The following TSPAN7 variants were observed in gnomAD, a reference collection of about 807,000 sequenced individuals.
TSPAN7 encodes tetraspanin-7.
A neutral mutation model predicts 17.6 loss-of-function variants in TSPAN7; 1 was observed. The ratio of observed to expected loss-of-function variants is 0.06; its 90% CI spans 0.02 to 0.27. The LOEUF (loss-of-function observed/expected upper bound fraction) is 0.27. Ranked by LOEUF, TSPAN7 falls within the 10% of genes least tolerant of loss-of-function variation. TSPAN7 has a pLI of 1.00. For synonymous variants in TSPAN7, 78 were observed against 79.0 expected (o/e 0.99, Z 0.07); for missense variants, 112 against 201.7 (o/e 0.56, Z 2.69).
intron 1 of TSPAN7, among the ~76,000 whole-genome samples, chrX:38,639,480 C>G (rs1343653858): frequency 9.9e-6 from 1 of 101,253 alleles, no homozygotes; most frequent in Non-Finnish European, 2.0e-5. Flanking sequence ...TTGTTCATCC[C>G]CAGCCATCAG....
intron 1 of TSPAN7, among the ~76,000 whole-genome samples, chrX:38,641,483 G>A (rs191164855): frequency 6.9e-4 from 77 of 111,676 alleles, no homozygotes; most frequent in African/African-American, 2.2e-3. Flanking sequence ...ATCTCTACCC[G>A]ATAGCGGAGT....
chrX:38,617,913 C>T (rs2069464741), intron 1 of TSPAN7, among the ~76,000 whole-genome samples: 1 of 111,927 alleles, frequency 8.9e-6, no homozygotes, highest in Admixed American at 9.5e-5. Flanking sequence ...TACATTTTTA[C>T]TATTTGTTTG....
rs184367193 is a variant in TSPAN7, at chrX:38,599,746, C to G, written c.81+38119C>G. On this transcript the variant is annotated intron_variant, in intron 1 of 7. Coordinates refer to ENST00000378482, the MANE Select transcript of TSPAN7 (RefSeq NM_004615.4). The stretch of plus-strand genomic sequence containing the variant: ...CATTATTCAAAGAAAAGCAACTGTG[C>G]GAGACTTGTGAGAAAAATATGCATC... 5.4e-5 allele frequency among the ~76,000 whole-genome samples: 6 copies of G among 111,470 alleles called. No individual in the cohort carries two copies. In the Admixed American group the frequency reaches 5.7e-4, roughly 11 times the overall value.
chrX:38,563,186 A>G (rs1258746898), intron 1 of TSPAN7: 1 of 879,073 alleles, frequency 1.1e-6, no homozygotes, highest in African/African-American at 2.1e-5. Flanking sequence ...GCAATGAGCT[A>G]GGATAGATTA....
chrX:38,674,606 C>T (rs1324732433), intron 4 of TSPAN7, among the ~76,000 whole-genome samples: 1 of 111,847 alleles, frequency 8.9e-6, no homozygotes, highest in East Asian at 2.8e-4. Flanking sequence ...AGGAGTTAGG[C>T]AGTGAGTGTG....
Position 38,674,313 on chromosome X carries a change from C to T in TSPAN7, c.438C>T (p.Arg146=). The T allele has an allele frequency of 8.4e-7, 1 of 1,185,737 alleles. No homozygotes were observed. ...ERSRAVDHVQ[R]SLSCCGVQNY... ...GCCGGGCAGTGGACCATGTGCAGCG[C>T]AGCGTAAGTTCCAGAGGAGATGAGG... Residue 146 remains arginine (R), a synonymous_variant, in exon 4 of 8, where the codon CGC becomes CGT. Coordinates refer to ENST00000378482, the MANE Select transcript of TSPAN7 (RefSeq NM_004615.4).
chrX:38,563,476 GA>G (rs58871724), intron 1 of TSPAN7, among the ~76,000 whole-genome samples: 12,384 of 107,697 alleles, frequency 0.11, 1,298 homozygotes, highest in African/African-American at 0.34. Flanking sequence ...ATCATATTGG[GA>G]GGGGGGAGGT....
At chrX:38,655,683 A>G (rs918841056) in intron 1 of TSPAN7, among the ~76,000 whole-genome samples, 1 of 111,337 alleles carries the variant, frequency 9.0e-6, no homozygotes, top group Non-Finnish European at 1.9e-5. Context: ...GAAAGGAGGC[A>G]TGAGTTCTTC....
rs1467239040 is a variant in TSPAN7 at position 38,651,328 on chromosome X, G to A, written c.82-14793G>A. Reference sequence around the variant, plus strand: ...AAAATACAAAAAATTAGCCGGGCGTGGTGGCGGGCGCCTATAATCCCAGCT... The same window carrying A: ...AAAATACAAAAAATTAGCCGGGCGTAGTGGCGGGCGCCTATAATCCCAGCT... On this transcript the variant is annotated intron_variant, in intron 1 of 7. Coordinates refer to ENST00000378482, the MANE Select transcript of TSPAN7 (RefSeq NM_004615.4). Among the ~76,000 whole-genome samples, 5 of 110,465 alleles carry A rather than the reference G, an allele frequency of 4.5e-5. No homozygotes were observed. In the East Asian group the frequency reaches 1.4e-3, roughly 31 times the overall value.
chrX:38,613,784 G>A (rs2069435467), intron 1 of TSPAN7, among the ~76,000 whole-genome samples: 1 of 110,544 alleles, frequency 9.0e-6, no homozygotes, highest in Admixed American at 9.6e-5. Flanking sequence ...CCCTCTTTAG[G>A]AAATAATCCT....
rs1008084918 is a variant in TSPAN7, at chrX:38,583,872, C to T, written c.81+22245C>T. Among the ~76,000 whole-genome samples the T allele has an allele frequency of 2.7e-5, 3 of 110,152 alleles. No individual in the cohort carries two copies. In the East Asian group the frequency reaches 8.5e-4, roughly 31 times the overall value. On this transcript the variant is annotated intron_variant, in intron 1 of 7. Transcript: ENST00000378482. ...GTCACTCTCCCTGCGTTGACAGCAT[C>T]GCCAGATTTACCTTTCTAATCAATT...
chrX:38,682,119 A>G (rs1569316949), intron 6 of TSPAN7, among the ~76,000 whole-genome samples: 1 of 112,512 alleles, frequency 8.9e-6, no homozygotes, highest in African/African-American at 3.2e-5. Flanking sequence ...AGACCAACAG[A>G]TCATGTTTCA....
chrX:38,609,601 T>C (rs924705964), intron 1 of TSPAN7, among the ~76,000 whole-genome samples: 2 of 108,431 alleles, frequency 1.8e-5, no homozygotes, highest in African/African-American at 3.4e-5. Context: ...TACATATACA[T>C]ATGTATATGT....
intron 1 of TSPAN7, among the ~76,000 whole-genome samples, chrX:38,577,002 A>G (rs2069197437): frequency 9.0e-6 from 1 of 111,451 alleles, no homozygotes; most frequent in Admixed American, 9.5e-5. Flanking sequence ...AACCAGGTTA[A>G]CTAGGTAAGA....
intron 2 of TSPAN7, among the ~76,000 whole-genome samples, chrX:38,668,790 C>T (rs1359723206): frequency 8.9e-6 from 1 of 111,757 alleles, no homozygotes; most frequent in Non-Finnish European, 1.9e-5. Flanking sequence ...GTATATACCC[C>T]GCAGTAGGAT....
At chrX:38,674,076 A>C in intron 3 of TSPAN7, 145 bp from the exon 4 acceptor site, 1 of 519,297 alleles carries the variant, frequency 1.9e-6, no homozygotes, top group East Asian at 3.7e-5. Context: ...GAGCTTTTCC[A>C]TCTCAGAAAA....
intron 1 of TSPAN7, among the ~76,000 whole-genome samples, chrX:38,593,234 C>T (rs1328963060): frequency 1.8e-5 from 2 of 109,327 alleles, no homozygotes; most frequent in Non-Finnish European, 3.8e-5. Flanking sequence ...TGGTATAGTT[C>T]ATGTTTTGCT....
In TSPAN7 at chrX:38,653,328, G is replaced by A. The variant is rs181401183; in HGVS notation, c.82-12793G>A. ...CCCAGGCTGTGGGGTGAGCAGATAC[G>A]ATGCGGTTGCCTTATCTCGTGACTC... On this transcript the variant is annotated intron_variant, in intron 1 of 7. Transcript: ENST00000378482. 2.2e-3 allele frequency among the ~76,000 whole-genome samples: 246 copies of A among 111,416 alleles called. 2 individuals carry two copies. The highest frequency in any genetic ancestry group is 7.6e-3 in the African/African-American group (232 of 30,628).
intron 1 of TSPAN7, among the ~76,000 whole-genome samples, chrX:38,656,348 TTTAAAAAGTATCTTA>T (rs2069704726): frequency 8.9e-6 from 1 of 112,009 alleles, no homozygotes; most frequent in Non-Finnish European, 1.9e-5. Context: ...ACATGATCTT[TTTAAAAAGTATCTTA>T]TTAGTGTAGA....
Sources: allele counts gnomAD v4.1 joint callset (sites outside exome capture counted in the v4.1 genomes callset), GRCh38; gene constraint gnomAD v4.1.1; transcripts MANE v1.5; gene names NCBI Gene and HGNC (gene_info 2026-07-23, HGNC 2026-07-21).